AP5Z1: variants seen among roughly 807,000 people sequenced by gnomAD.
AP5Z1 encodes the protein adaptor related protein complex 5 subunit zeta 1, also known as AP-5 complex subunit zeta-1.
A neutral mutation model predicts 83.0 loss-of-function variants in AP5Z1; 106 were observed. The ratio of observed to expected loss-of-function variants is 1.28; its 90% CI spans 1.09 to 1.50. The LOEUF (loss-of-function observed/expected upper bound fraction) is 1.50, where lower values mean the gene tolerates loss of function less well. Ranked by LOEUF, AP5Z1 falls within the 40% of genes most tolerant of loss-of-function variation. AP5Z1 has a pLI of 0.00. For synonymous variants in AP5Z1, 751 were observed against 514.1 expected (o/e 1.46, Z -6.23); for missense variants, 1,565 against 1,094.2 (o/e 1.43, Z -6.07).
chr7:4,784,811 G>A (rs1257590234), intron 6 of AP5Z1, 97 bp from the exon 7 acceptor site: 61 of 1,458,080 alleles, frequency 4.2e-5, no homozygotes, highest in African/African-American at 3.4e-4. Context: ...GAGGGGCTGC[G>A]GCCTGTGCTC....
chr7:4,785,921 A>G (rs1781529527), intron 9 of AP5Z1, among the ~76,000 whole-genome samples: 2 of 151,868 alleles, frequency 1.3e-5, no homozygotes, highest in African/African-American at 2.4e-5. Flanking sequence ...TTTCTTTTTG[A>G]TGGATTGCTG....
At position 4,781,561 on chromosome 7, in the gene AP5Z1, C is replaced by G. The variant is rs765784263; in HGVS notation, c.180-7C>G. On this transcript the variant is annotated splice_polypyrimidine_tract_variant and splice_region_variant and intron_variant, in intron 2 of 16. Transcript: ENST00000649063. ...TTACCGCCCACCACGGGCATCTCGC[C>G]TTCCAGGCTGGAGAAGACATGCGTA... The G allele has an allele frequency of 3.1e-6, 5 of 1,602,252 alleles. No individual in the cohort carries two copies. In the African/African-American group the frequency reaches 6.7e-5, roughly 21 times the overall value.
In AP5Z1 at chr7:4,789,072, C is replaced by T. The variant is rs561202991; in HGVS notation, c.1707+121C>T. 10 of 851,340 alleles carry T rather than the reference C, an allele frequency of 1.2e-5. No homozygotes were observed. The African/African-American group carries it at 1.4e-4, about 12-fold the overall frequency. The allele number at this position is 851,340 out of a possible 1,614,324, so 52.7% of individuals were successfully genotyped here. A position where few individuals can be genotyped will look rare whatever the true frequency, so the allele number is the denominator to read the frequency against. ...AGGCTGCTCCCGCCACACCCACCAT[C>T]CACGGTCCCTGTGAGGGTCAGGGAG... On this transcript the variant is annotated intron_variant, in intron 13 of 16. Coordinates refer to ENST00000649063, the MANE Select transcript of AP5Z1 (RefSeq NM_014855.3).
intron 6 of AP5Z1, 38 bp from the exon 7 acceptor site, chr7:4,784,870 C>A (rs1353575211): frequency 6.3e-6 from 10 of 1,591,342 alleles, no homozygotes; most frequent in Non-Finnish European, 8.6e-6. Context: ...AGCCCGGGAG[C>A]CACACGTCAG....
At chr7:4,784,109 G>A in intron 5 of AP5Z1, 94 bp from the exon 6 acceptor site, 1 of 1,417,350 alleles carries the variant, frequency 7.1e-7, no homozygotes. Flanking sequence ...TGTTCAGGCA[G>A]CTTCTCCTCC....
chr7:4,783,516 C>T, intron 4 of AP5Z1, 56 bp downstream of exon 4: 3 of 1,589,006 alleles, frequency 1.9e-6, no homozygotes, highest in Non-Finnish European at 2.6e-6. Flanking sequence ...AGGTCCTTCC[C>T]TGAGGGCCCA....
rs569515120 is a variant in AP5Z1, at chr7:4,794,146, T to C, written c.*2761T>C. On this transcript the variant is annotated 3_prime_UTR_variant, in exon 17 of 17. Transcript: ENST00000649063. Reference sequence around the variant, plus strand: ...GGTGGGGACTTGGAAAACCTTTTTGTCAACACTCTGTATCTAGTTAATCTG... The same window carrying C: ...GGTGGGGACTTGGAAAACCTTTTTGCCAACACTCTGTATCTAGTTAATCTG... 1 of 152,396 alleles carries C rather than the reference T, an allele frequency of 6.6e-6. No individual in the cohort carries two copies. Among genetic ancestry groups the C allele is most frequent in the East Asian group, 1.9e-4 (1 of 5,180 alleles). 9.4% of individuals were successfully genotyped at this position (152,396 alleles called of 1,614,324 possible).
chr7:4,778,807 T>C (rs1490650592), intron 1 of AP5Z1, among the ~76,000 whole-genome samples: 1 of 146,004 alleles, frequency 6.8e-6, no homozygotes, highest in Non-Finnish European at 1.5e-5. Context: ...TTATATGTTA[T>C]ATATTATATG....
At chr7:4,789,789 A>AGTGGGG in intron 13 of AP5Z1, 43 bp from the exon 14 acceptor site, 1 of 1,489,152 alleles carries the variant, frequency 6.7e-7, no homozygotes, top group Middle Eastern at 1.7e-4. Context: ...TAGGGCCTGC[A>AGTGGGG]GTGGGGGTGG....
At position 4,791,376 on chromosome 7, in the gene AP5Z1, G is replaced by C; in HGVS notation, c.2415G>C (p.Met805Ile). Residue 805 changes from methionine (M) to isoleucine (I), a missense_variant, in exon 17 of 17, where the codon ATG becomes ATC. Met to Ile is a conservative substitution (Grantham distance 10, BLOSUM62 1). Coordinates refer to ENST00000649063, the MANE Select transcript of AP5Z1 (RefSeq NM_014855.3). Reference protein sequence around the residue: ...SRLVEREAGLMPG With the variant: ...SRLVEREAGLIPG ...TGGTGGAGAGGGAGGCCGGCCTCAT[G>C]CCAGGGTGAAGGGACAGTGGCCAGG... 2 of 1,605,696 alleles carry C rather than the reference G, an allele frequency of 1.2e-6. No homozygotes were observed. Among genetic ancestry groups the C allele is most frequent in the Non-Finnish European group, 1.7e-6 (2 of 1,176,592 alleles).
At position 4,783,635 on chromosome 7, in the gene AP5Z1, C is replaced by G. The variant is rs542309905; in HGVS notation, c.512-54C>G. The G allele has an allele frequency of 2.6e-6, 4 of 1,521,042 alleles. No individual in the cohort carries two copies. The South Asian group carries it at 3.6e-5, about 14-fold the overall frequency. The allele number at this position is 1,521,042 out of a possible 1,614,324, so 94.2% of individuals were successfully genotyped here. Reference sequence around the variant, plus strand: ...AAAAGTCGGCCAGCATCCCAACAACCCAGGCATCTGTAGGATTCAACCTCA... The same window carrying G: ...AAAAGTCGGCCAGCATCCCAACAACGCAGGCATCTGTAGGATTCAACCTCA... On this transcript the variant is annotated intron_variant, in intron 4 of 16. Coordinates refer to ENST00000649063, the MANE Select transcript of AP5Z1 (RefSeq NM_014855.3).
intron 1 of AP5Z1, 80 bp from the exon 2 acceptor site, chr7:4,781,095 T>A: frequency 6.5e-7 from 1 of 1,529,592 alleles, no homozygotes; most frequent in South Asian, 1.3e-5. Flanking sequence ...AAGAGGGATT[T>A]TCCCTGCTCC....
At position 4,791,632 on chromosome 7, in the gene AP5Z1, G is replaced by C. The variant is rs1781777886; in HGVS notation, c.*247G>C. The C allele has an allele frequency of 5.2e-6, 3 of 572,032 alleles. No homozygotes were observed. The highest frequency in any genetic ancestry group is 2.9e-5 in the East Asian group (1 of 34,090). 35.4% of individuals were successfully genotyped at this position (572,032 alleles called of 1,614,324 possible). Reference sequence around the variant, plus strand: ...CTGAGGGGTGCCATGGAGCGGCTCTGATTGGAGGCTTGAGGCCCTGTGGCT... The same window carrying C: ...CTGAGGGGTGCCATGGAGCGGCTCTCATTGGAGGCTTGAGGCCCTGTGGCT... On this transcript the variant is annotated 3_prime_UTR_variant, in exon 17 of 17. Coordinates refer to ENST00000649063, the MANE Select transcript of AP5Z1 (RefSeq NM_014855.3).
Position 4,785,534 on chromosome 7 carries a change from G to C in AP5Z1, c.982G>C (p.Ala328Pro). Residue 328 changes from alanine (A) to proline (P), a missense_variant, in exon 9 of 17, where the codon GCC becomes CCC. Physicochemically the swap from Ala to Pro is conservative, Grantham distance 27. Coordinates refer to ENST00000649063, the MANE Select transcript of AP5Z1 (RefSeq NM_014855.3). ...CCATGTCCCGCAGTGCCTGGTGGAG[G>C]CCGTGCTGGTGCTGGACGTGCTGTG... ...SDLQKACLVE[A>P]VLVLDVLCRQ... The C allele has an allele frequency of 2.5e-6, 4 of 1,613,048 alleles. No homozygotes were observed. Among genetic ancestry groups the C allele is most frequent in the Non-Finnish European group, 3.4e-6 (4 of 1,179,688 alleles).
At chr7:4,787,554 T>G (rs1312525374) in intron 10 of AP5Z1, 80 bp from the exon 11 acceptor site, 7 of 1,501,384 alleles carry the variant, frequency 4.7e-6, no homozygotes, top group African/African-American at 1.4e-5. Context: ...GGGACAGCTG[T>G]GGGGCCCTAG....
rs1781477805 is a variant in AP5Z1 at position 4,784,488 on chromosome 7, A to G, written c.790+117A>G. 4 of 1,266,264 alleles carry G rather than the reference A, an allele frequency of 3.2e-6. No individual in the cohort carries two copies. In the Admixed American group the frequency reaches 1.0e-4, roughly 32 times the overall value. 78.4% of individuals were successfully genotyped at this position (1,266,264 alleles called of 1,614,324 possible). Reference sequence around the variant, plus strand: ...CTCGGGTGTGCCCAGGATGCAGCAGAGGTCAGGACTGAGCAACGCAGCCTG... The same window carrying G: ...CTCGGGTGTGCCCAGGATGCAGCAGGGGTCAGGACTGAGCAACGCAGCCTG... On this transcript the variant is annotated intron_variant, in intron 6 of 16. Transcript: ENST00000649063.
chr7:4,781,827 G>A, intron 3 of AP5Z1, 73 bp downstream of exon 3: 11 of 1,437,128 alleles, frequency 7.7e-6, no homozygotes, highest in South Asian at 3.1e-5. Flanking sequence ...CAGGAAGCAG[G>A]GGCGCCAGAG....
At chr7:4,790,396 G>A (rs1056460587) in intron 14 of AP5Z1, 63 bp from the exon 15 acceptor site, 3 of 1,610,178 alleles carry the variant, frequency 1.9e-6, no homozygotes, top group South Asian at 1.1e-5. Context: ...CAGGCCCTTG[G>A]CCTGGATGGG....
At position 4,790,447 on chromosome 7, in the gene AP5Z1, C is replaced by G. The variant is rs78959612; in HGVS notation, c.1806-12C>G. On this transcript the variant is annotated splice_polypyrimidine_tract_variant and intron_variant, in intron 14 of 16. Transcript: ENST00000649063. ...CTGCACAGAGCAGGCGTAGACCCGG[C>G]TTTCTGGGCAGTGTGCTGAGTTCTC... 1.2e-6 allele frequency: 2 copies of G among 1,612,928 alleles called. No individual in the cohort carries two copies. The highest frequency in any genetic ancestry group is 2.7e-5 in the African/African-American group (2 of 74,948).
Sources: allele counts gnomAD v4.1 joint callset (sites outside exome capture counted in the v4.1 genomes callset), GRCh38; gene constraint gnomAD v4.1.1; transcripts MANE v1.5; gene names NCBI Gene and HGNC (gene_info 2026-07-23, HGNC 2026-07-21).